The following CNTNAP5 variants were observed in gnomAD, a reference collection of about 807,000 sequenced individuals.
CNTNAP5 encodes the protein contactin associated protein family member 5, also known as contactin-associated protein-like 5.
CNTNAP5 carries 72 observed loss-of-function variants against 150.2 expected under a neutral mutation model. The ratio of observed to expected loss-of-function variants is 0.48; its 90% CI spans 0.40 to 0.58. CNTNAP5 has a LOEUF of 0.58. Ranked by LOEUF, CNTNAP5 falls within the 20% of genes least tolerant of loss-of-function variation. The pLI is 0.00. For missense variants in CNTNAP5, 1,636 were observed against 1,626.2 expected (o/e 1.01, Z -0.10); for synonymous variants, 672 against 619.8 (o/e 1.08, Z -1.25).
chr2:124,277,930 C>G (rs1687922255), intron 3 of CNTNAP5, among the ~76,000 whole-genome samples: 1 of 152,126 alleles, frequency 6.6e-6, no homozygotes, highest in African/African-American at 2.4e-5. Flanking sequence ...CATAACTGCC[C>G]TTGTTACCTT....
chr2:124,694,850 A>G (rs1679372100), intron 13 of CNTNAP5, among the ~76,000 whole-genome samples: 2 of 152,184 alleles, frequency 1.3e-5, no homozygotes, highest in South Asian at 4.1e-4. Flanking sequence ...AGTACCAGTC[A>G]GTATTTTCAT....
intron 19 of CNTNAP5, among the ~76,000 whole-genome samples, chr2:124,807,735 T>C (rs1682110385): frequency 6.6e-6 from 1 of 152,216 alleles, no homozygotes; most frequent in African/African-American, 2.4e-5. Context: ...CATGTTTTTC[T>C]GGATGCTTGC....
At chr2:124,558,094 T>C (rs35555430) in intron 10 of CNTNAP5, among the ~76,000 whole-genome samples, 15,492 of 152,054 alleles carry the variant, frequency 0.1, 878 homozygotes, top group South Asian at 0.16. Flanking sequence ...TTTTATAGGG[T>C]CCCCCTTGCT....
At chr2:124,565,980 G>C (rs1696016493) in intron 11 of CNTNAP5, among the ~76,000 whole-genome samples, 1 of 148,482 alleles carries the variant, frequency 6.7e-6, no homozygotes, top group Non-Finnish European at 1.5e-5. Context: ...ATCCTAGGAA[G>C]AAAAACTAAT....
chr2:124,451,651 C>G (rs922553877), intron 6 of CNTNAP5, among the ~76,000 whole-genome samples: 1 of 152,038 alleles, frequency 6.6e-6, no homozygotes, highest in Non-Finnish European at 1.5e-5. Context: ...GGAGGACACA[C>G]AGACCCTCCA....
chr2:124,194,389 AT>A (rs1220278604), intron 1 of CNTNAP5, among the ~76,000 whole-genome samples: 8 of 12,692 alleles, frequency 6.3e-4, no homozygotes, highest in Non-Finnish European at 7.2e-4. Context: ...ATATATATAT[AT>A]ATATATATAT....
In CNTNAP5 at chr2:124,902,866, ATCTTTT is replaced by A. The variant is rs777111217; in HGVS notation, c.3437-15_3437-10del. ...CAAAAAAAGTAAAGGACTTCTGATTATCTTTTACATTGCAGAGAATCTTGGTTTGGA... is the reference window on the plus strand; with the variant it reads ...CAAAAAAAGTAAAGGACTTCTGATTAACATTGCAGAGAATCTTGGTTTGGA... On this transcript the variant is annotated splice_polypyrimidine_tract_variant and intron_variant, in intron 21 of 23. Coordinates refer to ENST00000682447, the MANE Select transcript of CNTNAP5 (RefSeq NM_001367498.1). The A allele has an allele frequency of 6.3e-7, 1 of 1,581,196 alleles. No individual in the cohort carries two copies. Among genetic ancestry groups the A allele is most frequent in the Non-Finnish European group, 8.6e-7 (1 of 1,156,688 alleles).
chr2:124,527,245 A>G (rs1694990399), intron 9 of CNTNAP5, 40 bp from the exon 10 acceptor site: 5 of 1,580,670 alleles, frequency 3.2e-6, no homozygotes, highest in Non-Finnish European at 4.3e-6. Context: ...ATGACGGATC[A>G]TTTCAGCATT....
At chr2:124,280,606 T>C (rs1390063312) in intron 3 of CNTNAP5, among the ~76,000 whole-genome samples, 1 of 152,160 alleles carries the variant, frequency 6.6e-6, no homozygotes, top group Non-Finnish European at 1.5e-5. Flanking sequence ...CAGCAAAACG[T>C]TGAGCATTGG....
At chr2:124,221,941 A>G in intron 2 of CNTNAP5, 132 bp downstream of exon 2, 1 of 635,222 alleles carries the variant, frequency 1.6e-6, no homozygotes, top group East Asian at 2.8e-5. Context: ...TTACGAGGAG[A>G]GGAGTGAAAA....
intron 1 of CNTNAP5, among the ~76,000 whole-genome samples, chr2:124,125,019 A>T (rs1407500392): frequency 6.6e-6 from 1 of 152,210 alleles, no homozygotes; most frequent in Non-Finnish European, 1.5e-5. Flanking sequence ...TGAGCAAAAC[A>T]ACCAGCTAAA....
In CNTNAP5 at chr2:124,504,448, T is replaced by C; in HGVS notation, c.1219T>C (p.Ser407Pro). The change falls in exon 8 of 24, where the codon TCC becomes CCC. Residue 407 changes from serine to proline, a missense_variant. Physicochemically the swap from Ser to Pro is moderately conservative, Grantham distance 74. Coordinates refer to ENST00000682447, the MANE Select transcript of CNTNAP5 (RefSeq NM_001367498.1). The part of the protein sequence containing the change: ...RTWNKDGLLL[S>P]TELSEGSGTL... ...ATGGAACAAGGATGGTCTGCTTCTG[T>C]CCACAGAGCTGTCTGAGGGCTCGGG... 6.2e-7 allele frequency: 1 copy of C among 1,613,840 alleles called. No individual in the cohort carries two copies. Among genetic ancestry groups the C allele is most frequent in the Non-Finnish European group, 8.5e-7 (1 of 1,179,852 alleles).
chr2:124,122,421 C>T (rs1183482126), intron 1 of CNTNAP5, among the ~76,000 whole-genome samples: 1 of 152,130 alleles, frequency 6.6e-6, no homozygotes, highest in African/African-American at 2.4e-5. Context: ...GTATAAAGTG[C>T]TCATCTCCAT....
intron 14 of CNTNAP5, among the ~76,000 whole-genome samples, chr2:124,754,079 G>A (rs1016008087): frequency 2.6e-5 from 4 of 151,918 alleles, no homozygotes; most frequent in African/African-American, 7.3e-5. Flanking sequence ...TCCTCACCTG[G>A]GTCATTATTT....
At chr2:124,503,290 C>T (rs1694319309) in intron 7 of CNTNAP5, among the ~76,000 whole-genome samples, 1 of 152,166 alleles carries the variant, frequency 6.6e-6, no homozygotes, top group African/African-American at 2.4e-5. Flanking sequence ...ACATGGTTGG[C>T]ACCTACGGAT....
intron 16 of CNTNAP5, among the ~76,000 whole-genome samples, chr2:124,770,435 A>T (rs1681165653): frequency 6.6e-6 from 1 of 152,212 alleles, no homozygotes; most frequent in Admixed American, 6.5e-5. Flanking sequence ...GTGTTGTCTC[A>T]GTGGAATTTA....
intron 7 of CNTNAP5, among the ~76,000 whole-genome samples, chr2:124,500,146 G>A (rs1429292325): frequency 2.0e-5 from 3 of 152,108 alleles, no homozygotes; most frequent in Non-Finnish European, 2.9e-5. Context: ...GGAGGGCACT[G>A]TACTTTGCCA....
intron 1 of CNTNAP5, among the ~76,000 whole-genome samples, chr2:124,090,208 T>C (rs1482343999): frequency 6.6e-6 from 1 of 152,234 alleles, no homozygotes; most frequent in Non-Finnish European, 1.5e-5. Context: ...TGAAAAATAA[T>C]TTAGGATGAT....
At chr2:124,608,560 A>G (rs1677304164) in intron 11 of CNTNAP5, among the ~76,000 whole-genome samples, 1 of 152,072 alleles carries the variant, frequency 6.6e-6, no homozygotes, top group Non-Finnish European at 1.5e-5. Context: ...CGTATTAGGA[A>G]CTCAGTAAAT....
Sources: allele counts gnomAD v4.1 joint callset (sites outside exome capture counted in the v4.1 genomes callset), GRCh38; gene constraint gnomAD v4.1.1; transcripts MANE v1.5; gene names NCBI Gene and HGNC (gene_info 2026-07-23, HGNC 2026-07-21).